JAKMIP1: variants seen among roughly 807,000 people sequenced by gnomAD.
The protein encoded by JAKMIP1 is janus kinase and microtubule interacting protein 1.
Under a neutral mutation model 113.0 loss-of-function variants are expected in JAKMIP1, and 33 were observed. The observed-to-expected ratio is 0.29, with a 90% CI of 0.22 to 0.39. The LOEUF (loss-of-function observed/expected upper bound fraction) is 0.39, where lower values mean the gene tolerates loss of function less well. JAKMIP1 is among the 10% of genes least tolerant of loss of function. The probability of loss-of-function intolerance (pLI) is 1.00; values close to 1 mark genes in which losing one functional copy is unlikely to be tolerated. For missense variants in JAKMIP1, 813 were observed against 1,080.5 expected (o/e 0.75, Z 3.47); for synonymous variants, 480 against 459.9 (o/e 1.04, Z -0.56).
At chr4:6,110,495 C>T (rs2108885576) in intron 2 of JAKMIP1, among the ~76,000 whole-genome samples, 1 of 151,426 alleles carries the variant, frequency 6.6e-6, no homozygotes, top group East Asian at 2.0e-4. Context: ...CTCTCCAGCC[C>T]TTGGCTTGCT....
rs549305651 is a variant in JAKMIP1, at chr4:6,061,566, C to T, written c.1560+746G>A. 5.3e-5 allele frequency among the ~76,000 whole-genome samples: 8 copies of T among 152,302 alleles called. No individual in the cohort carries two copies. Among genetic ancestry groups the T allele is most frequent in the East Asian group, 3.9e-4 (2 of 5,178 alleles). On this transcript the variant is annotated intron_variant, in intron 10 of 20. Transcript: ENST00000409021. This position sits in a 1 kb window ranked among gnomAD's most constrained non-coding sequence, Gnocchi z 5.3. Reference sequence around the variant, plus strand: ...GCCCTGAGTCCGAGAAACCTGGCCTCGACTCCCAGCTCTGTTCAGCATCAT... The same window carrying T: ...GCCCTGAGTCCGAGAAACCTGGCCTTGACTCCCAGCTCTGTTCAGCATCAT...
Position 6,156,421 on chromosome 4 carries a change from C to T in JAKMIP1, c.-147-43424G>A, listed in dbSNP as rs1460436716. Among the ~76,000 whole-genome samples the T allele has an allele frequency of 2.6e-5, 4 of 152,186 alleles. No homozygotes were observed. The East Asian group carries it at 5.8e-4, about 22-fold the overall frequency. On this transcript the variant is annotated intron_variant, in intron 1 of 20. Transcript: ENST00000409021. The surrounding 1 kb of genome is among the most constrained non-coding windows in gnomAD (Gnocchi z 5.0). ...ACAGCAGCTTAGATTTAATAAAATACGGTACCTAACAGAGTCCAGAATTCT... is the reference window on the plus strand; with the variant it reads ...ACAGCAGCTTAGATTTAATAAAATATGGTACCTAACAGAGTCCAGAATTCT...
In JAKMIP1 at chr4:6,139,388, G is replaced by A. The variant is rs1719763512; in HGVS notation, c.-147-26391C>T. 6.6e-6 allele frequency among the ~76,000 whole-genome samples: 1 copy of A among 152,132 alleles called. No individual in the cohort carries two copies. Among genetic ancestry groups the A allele is most frequent in the South Asian group, 2.1e-4 (1 of 4,826 alleles). ...CCAGTACCCTCAGAGGTGGTCTTAT[G>A]GGAAACAGGGTCTTTACTGAGGTCA... On this transcript the variant is annotated intron_variant, in intron 1 of 20. Transcript: ENST00000409021. The surrounding 1 kb of genome is among the most constrained non-coding windows in gnomAD (Gnocchi z 5.2).
At chr4:6,096,015 C>T (rs1049322096) in intron 3 of JAKMIP1, among the ~76,000 whole-genome samples, 1 of 152,186 alleles carries the variant, frequency 6.6e-6, no homozygotes, top group African/African-American at 2.4e-5. Flanking sequence ...TCAGGCAGGC[C>T]TCCCTGAACA....
At position 6,067,821 on chromosome 4, in the gene JAKMIP1, C is replaced by G. The variant is rs111985685; in HGVS notation, c.1303-2813G>C. Among the ~76,000 whole-genome samples the G allele has an allele frequency of 1.3e-4, 18 of 134,452 alleles. No homozygotes were observed. Among genetic ancestry groups the G allele is most frequent in the African/African-American group, 2.5e-4 (9 of 35,860 alleles). 88.2% of individuals were successfully genotyped at this position (134,452 alleles called of 152,430 possible). A position where few individuals can be genotyped will look rare whatever the true frequency, so the allele number is the denominator to read the frequency against. On this transcript the variant is annotated intron_variant, in intron 8 of 20. Coordinates refer to ENST00000409021, the MANE Select transcript of JAKMIP1 (RefSeq NM_001099433.2). This position sits in a 1 kb window ranked among gnomAD's most constrained non-coding sequence, Gnocchi z 4.6. Reference sequence around the variant, plus strand: ...ACGCAGGTCACCCCCCTGAGCTCCACGTTCACTCAAGCTCTTCTGCACACG... The same window carrying G: ...ACGCAGGTCACCCCCCTGAGCTCCAGGTTCACTCAAGCTCTTCTGCACACG...
At chr4:6,133,092 TACTC>T (rs1422194139) in intron 1 of JAKMIP1, among the ~76,000 whole-genome samples, 8 of 152,138 alleles carry the variant, frequency 5.3e-5, no homozygotes, top group Non-Finnish European at 1.2e-4. Context: ...ATAAAAATGA[TACTC>T]AAGGAGCTCA....
Position 6,138,219 on chromosome 4 carries a change from G to C in JAKMIP1, c.-147-25222C>G, listed in dbSNP as rs544721462. On this transcript the variant is annotated intron_variant, in intron 1 of 20. Coordinates refer to ENST00000409021, the MANE Select transcript of JAKMIP1 (RefSeq NM_001099433.2). This position sits in a 1 kb window ranked among gnomAD's most constrained non-coding sequence, Gnocchi z 6.0. ...CACAGATGAAAGCTGGGGTACCCCA[G>C]AACCCAAGTTAATTTAATTTTTATT... is the stretch of plus-strand genomic sequence containing the variant. Among the ~76,000 whole-genome samples the C allele has an allele frequency of 7.8e-4, 119 of 152,268 alleles. No homozygotes were observed. The highest frequency in any genetic ancestry group is 1.4e-3 in the Non-Finnish European group (93 of 68,012).
intron 2 of JAKMIP1, among the ~76,000 whole-genome samples, chr4:6,107,350 C>T (rs905542853): frequency 1.8e-4 from 27 of 152,198 alleles, no homozygotes; most frequent in Middle Eastern, 3.2e-3. Context: ...TGATGAGCTG[C>T]GTTTCCCCAG....
chr4:6,128,609 C>G (rs530258410), intron 1 of JAKMIP1, among the ~76,000 whole-genome samples: 21 of 152,308 alleles, frequency 1.4e-4, no homozygotes, highest in African/African-American at 5.1e-4. Context: ...AGCCCCAGCC[C>G]GGATGAGCAA....
Position 6,086,860 on chromosome 4 carries a change from G to T in JAKMIP1, c.625-1231C>A, listed in dbSNP as rs1057386424. ...CCGTGTAAGGACGGAGGCAGAGGCT[G>T]GAGGGACACAGCCTCAAGCCAAGGA... is the stretch of plus-strand genomic sequence containing the variant. On this transcript the variant is annotated intron_variant, in intron 3 of 20. Coordinates refer to ENST00000409021, the MANE Select transcript of JAKMIP1 (RefSeq NM_001099433.2). This position sits in a 1 kb window ranked among gnomAD's most constrained non-coding sequence, Gnocchi z 4.1. Among the ~76,000 whole-genome samples, 1 of 152,110 alleles carries T rather than the reference G, an allele frequency of 6.6e-6. No individual in the cohort carries two copies. The highest frequency in any genetic ancestry group is 2.4e-5 in the African/African-American group (1 of 41,440).
chr4:6,103,665 A>T (rs1386782302), intron 3 of JAKMIP1, among the ~76,000 whole-genome samples: 3 of 152,170 alleles, frequency 2.0e-5, no homozygotes, highest in African/African-American at 4.8e-5. Context: ...TTCATTACAG[A>T]TTTAATTTAT....
intron 19 of JAKMIP1, among the ~76,000 whole-genome samples, chr4:6,033,200 G>A (rs937201440): frequency 6.6e-6 from 1 of 152,192 alleles, no homozygotes; most frequent in Non-Finnish European, 1.5e-5. Flanking sequence ...GGCTGGGCAG[G>A]GGACATCACT....
rs1410570791 is a variant in JAKMIP1, at chr4:6,157,462, A to G, written c.-148+42791T>C. ...TGTGATATTTAGGAAGCTACAAATT[A>G]TAGATATAAGAATCTTCAAATTTTC... On this transcript the variant is annotated intron_variant, in intron 1 of 20. Coordinates refer to ENST00000409021, the MANE Select transcript of JAKMIP1 (RefSeq NM_001099433.2). The surrounding 1 kb of genome is among the most constrained non-coding windows in gnomAD (Gnocchi z 4.7). Among the ~76,000 whole-genome samples, 2 of 152,226 alleles carry G rather than the reference A, an allele frequency of 1.3e-5. No individual in the cohort carries two copies. The highest frequency in any genetic ancestry group is 2.9e-5 in the Non-Finnish European group (2 of 68,028).
chr4:6,109,858 C>G (rs1714628911), intron 2 of JAKMIP1, among the ~76,000 whole-genome samples: 1 of 152,164 alleles, frequency 6.6e-6, no homozygotes, highest in Admixed American at 6.5e-5. Flanking sequence ...TTGTACCAGT[C>G]AATAAGCACA....
rs183528310 is a variant in JAKMIP1 at position 6,101,638 on chromosome 4, G to C, written c.624+3835C>G. ...GTGGTGACTCACGTCTGTAATCCTA[G>C]CACTTTGGGAGGCCAAGGCAGGTGG... On this transcript the variant is annotated intron_variant, in intron 3 of 20. Coordinates refer to ENST00000409021, the MANE Select transcript of JAKMIP1 (RefSeq NM_001099433.2). Among the ~76,000 whole-genome samples the C allele has an allele frequency of 2.0e-5, 3 of 150,196 alleles. No homozygotes were observed. The East Asian group carries it at 5.9e-4, about 29-fold the overall frequency.
rs1453604850 is a variant in JAKMIP1 at position 6,037,855 on chromosome 4, T to G, written c.2176-1748A>C. 3.9e-4 allele frequency among the ~76,000 whole-genome samples: 43 copies of G among 109,882 alleles called. No homozygotes were observed. The East Asian group carries it at 9.6e-3, about 25-fold the overall frequency. The allele number at this position is 109,882 out of a possible 152,430, so 72.1% of individuals were successfully genotyped here. A position where few individuals can be genotyped will look rare whatever the true frequency, so the allele number is the denominator to read the frequency against. On this transcript the variant is annotated intron_variant, in intron 18 of 20. Coordinates refer to ENST00000409021, the MANE Select transcript of JAKMIP1 (RefSeq NM_001099433.2). The stretch of plus-strand genomic sequence containing the variant: ...TCACCGAGGCAGAGGCTAACCAGTA[T>G]CCCTCCATCACTGAGGCAGAGGTTA...
chr4:6,170,124 TCAC>T (rs1466622649), intron 1 of JAKMIP1, among the ~76,000 whole-genome samples: 8 of 126,970 alleles, frequency 6.3e-5, no homozygotes, highest in South Asian at 5.7e-4. Context: ...ATCATCACCA[TCAC>T]CACCACCACC....
chr4:6,080,343 G>A lies in JAKMIP1; in HGVS notation c.1102-31C>T. 6.2e-7 allele frequency: 1 copy of A among 1,608,688 alleles called. No individual in the cohort carries two copies. The highest frequency in any genetic ancestry group is 8.5e-7 in the Non-Finnish European group (1 of 1,177,092). On this transcript the variant is annotated intron_variant, in intron 6 of 20. Coordinates refer to ENST00000409021, the MANE Select transcript of JAKMIP1 (RefSeq NM_001099433.2). This position sits in a 1 kb window ranked among gnomAD's most constrained non-coding sequence, Gnocchi z 6.0. ...GCCACAGGGAGACAGACCACCACAGGGTTACCCGCCAACAGTGTTTGTTAG... is the reference window on the plus strand; with the variant it reads ...GCCACAGGGAGACAGACCACCACAGAGTTACCCGCCAACAGTGTTTGTTAG...
chr4:6,174,608 C>T (rs768044727), intron 1 of JAKMIP1, among the ~76,000 whole-genome samples: 3 of 152,136 alleles, frequency 2.0e-5, no homozygotes, highest in Non-Finnish European at 2.9e-5. Context: ...GTGGAGAGGT[C>T]GCAACACTGC....
Sources: gnomAD v4.1 joint callset for allele counts (sites outside exome capture counted in the v4.1 genomes callset) on GRCh38, gnomAD v4.1.1 for gene constraint, Gnocchi (gnomAD v3.1) non-coding constraint, MANE v1.5 for transcripts, NCBI Gene and HGNC (gene_info 2026-07-23, HGNC 2026-07-21) for gene names.